Variants in NLGN1 observed in about 807,000 individuals in gnomAD.
NLGN1 encodes the protein neuroligin-1.
In NLGN1, 12 loss-of-function variants were observed where a neutral mutation model predicts 65.5. The observed-to-expected ratio is 0.18, with a 90% CI of 0.12 to 0.30. NLGN1 has a LOEUF of 0.30. NLGN1 is among the 10% of genes least tolerant of loss of function. The pLI is 1.00. For missense variants in NLGN1, 750 were observed against 1,007.1 expected (o/e 0.74, Z 3.46); for synonymous variants, 350 against 359.5 (o/e 0.97, Z 0.30).
intron 4 of NLGN1, among the ~76,000 whole-genome samples, chr3:174,078,905 T>C (rs1741555108): frequency 6.6e-6 from 1 of 152,198 alleles, no homozygotes; most frequent in African/African-American, 2.4e-5. Flanking sequence ...TCAACAAATC[T>C]AAAGAATGAT....
At chr3:174,256,363 A>G (rs1469660623) in intron 4 of NLGN1, among the ~76,000 whole-genome samples, 1 of 152,172 alleles carries the variant, frequency 6.6e-6, no homozygotes, top group Non-Finnish European at 1.5e-5. Context: ...CAATATTTGA[A>G]ATGTTCAAAG....
chr3:174,212,972 C>A (rs902708592), intron 4 of NLGN1, among the ~76,000 whole-genome samples: 4 of 152,100 alleles, frequency 2.6e-5, no homozygotes, highest in African/African-American at 9.7e-5. Flanking sequence ...ACTTAAAGGC[C>A]CCTGTGATTA....
chr3:174,212,550 T>A (rs1298516095), intron 4 of NLGN1, among the ~76,000 whole-genome samples: 1 of 152,244 alleles, frequency 6.6e-6, no homozygotes, highest in Non-Finnish European at 1.5e-5. Context: ...GGCTGTATCA[T>A]TTAGGTTTGT....
intron 4 of NLGN1, among the ~76,000 whole-genome samples, chr3:174,184,686 T>C (rs1333045992): frequency 6.6e-6 from 1 of 152,162 alleles, no homozygotes; most frequent in Non-Finnish European, 1.5e-5. Context: ...GAAGTTGGTC[T>C]CCTTTCCTGG....
chr3:173,969,090 C>T (rs2861616), intron 4 of NLGN1, among the ~76,000 whole-genome samples: 2,321 of 151,870 alleles, frequency 0.015, 65 homozygotes, highest in African/African-American at 0.052. Flanking sequence ...TTACTGTTAA[C>T]TTGTTGATTA....
At chr3:173,884,994 A>G (rs55989439) in intron 4 of NLGN1, among the ~76,000 whole-genome samples, 37 of 152,274 alleles carry the variant, frequency 2.4e-4, no homozygotes, top group Non-Finnish European at 4.7e-4. Flanking sequence ...GATCTCATAC[A>G]TACAAGCCCA....
intron 3 of NLGN1, among the ~76,000 whole-genome samples, chr3:173,751,310 A>G (rs1776266969): frequency 6.6e-6 from 1 of 152,082 alleles, no homozygotes; most frequent in Admixed American, 6.6e-5. Context: ...GCCATGGAGG[A>G]TCATAGAAAC....
intron 3 of NLGN1, among the ~76,000 whole-genome samples, chr3:173,672,372 G>A (rs1053292939): frequency 5.9e-5 from 9 of 152,142 alleles, no homozygotes; most frequent in African/African-American, 2.2e-4. Flanking sequence ...CTATCAGGGT[G>A]AATAAAGACT....
intron 2 of NLGN1, among the ~76,000 whole-genome samples, chr3:173,591,004 A>G (rs1042466615): frequency 6.6e-6 from 1 of 152,158 alleles, no homozygotes; most frequent in Non-Finnish European, 1.5e-5. Context: ...ACTAAAAGTT[A>G]TTTCAAACAG....
chr3:173,953,799 C>T (rs1748676782), intron 4 of NLGN1, among the ~76,000 whole-genome samples: 1 of 152,136 alleles, frequency 6.6e-6, no homozygotes, highest in Non-Finnish European at 1.5e-5. Context: ...CCACCTTGGC[C>T]TCCCAGGTGC....
At position 174,135,005 on chromosome 3, in the gene NLGN1, C is replaced by A. The variant is rs533038159; in HGVS notation, c.647-140310C>A. On this transcript the variant is annotated intron_variant, in intron 4 of 6. Coordinates refer to ENST00000457714, the Ensembl canonical transcript of NLGN1. ...TAGGTACTTCTGACATAGAAAAAAA[C>A]CCCGCAATTTAGTGTTCTGCCAAAG... is the stretch of plus-strand genomic sequence containing the variant. Among the ~76,000 whole-genome samples the A allele has an allele frequency of 9.4e-4, 143 of 152,216 alleles. 1 individual carries two copies. Among genetic ancestry groups the A allele is most frequent in the Non-Finnish European group, 1.3e-3 (85 of 67,990 alleles).
intron 4 of NLGN1, among the ~76,000 whole-genome samples, chr3:173,877,835 A>G (rs2150906410): frequency 6.6e-6 from 1 of 152,322 alleles, no homozygotes; most frequent in South Asian, 2.1e-4. Flanking sequence ...TAATTTCTGC[A>G]ATAGTAGCTG....
intron 2 of NLGN1, among the ~76,000 whole-genome samples, chr3:173,532,351 C>A (rs1404516226): frequency 6.6e-6 from 1 of 152,134 alleles, no homozygotes; most frequent in Non-Finnish European, 1.5e-5. Flanking sequence ...ATAGCTATTT[C>A]CAGGATTGGA....
At chr3:174,199,109 A>G (rs1733983564) in intron 4 of NLGN1, among the ~76,000 whole-genome samples, 1 of 151,990 alleles carries the variant, frequency 6.6e-6, no homozygotes, top group South Asian at 2.1e-4. Context: ...GGCCTCCCAA[A>G]GTGCTGGAAT....
chr3:173,666,572 A>G (rs1288078679), intron 3 of NLGN1, among the ~76,000 whole-genome samples: 4 of 152,170 alleles, frequency 2.6e-5, no homozygotes, highest in Admixed American at 2.0e-4. Flanking sequence ...ATGTCTCCTT[A>G]TAGAAATCTG....
intron 4 of NLGN1, among the ~76,000 whole-genome samples, chr3:173,980,471 G>A (rs1324243769): frequency 1.3e-5 from 2 of 151,754 alleles, no homozygotes; most frequent in African/African-American, 2.4e-5. Flanking sequence ...AATATACATG[G>A]CCATTCCCCT....
At chr3:173,445,340 G>T (rs1240916360) in intron 2 of NLGN1, among the ~76,000 whole-genome samples, 1 of 150,838 alleles carries the variant, frequency 6.6e-6, no homozygotes, top group East Asian at 1.9e-4. Context: ...GTCAGTTGGT[G>T]TCTTTTGTTT....
chr3:174,280,674 A>G lies in NLGN1; in HGVS notation c.1843A>G (p.Asn615Asp). ...GTTGGAGTTGGTACCTCATCTGCAT[A>G]ATCTCAATGACATTTCTCAGTATAC... Residue 615 changes from asparagine (N) to aspartate (D), a missense_variant, in exon 7 of 7, where the codon AAT becomes GAT. By Grantham distance (23) the Asn-to-Asp change is conservative. Transcript: ENST00000457714. This position sits in a 1 kb window ranked among gnomAD's most constrained non-coding sequence, Gnocchi z 4.9. The G allele has an allele frequency of 6.2e-7, 1 of 1,613,358 alleles. No individual in the cohort carries two copies.
At chr3:173,481,207 G>T (rs1451791437) in intron 2 of NLGN1, among the ~76,000 whole-genome samples, 1 of 151,790 alleles carries the variant, frequency 6.6e-6, no homozygotes, top group African/African-American at 2.4e-5. Context: ...CAGGGTTAAA[G>T]GTTTTTGTCA....
Sources: gnomAD v4.1 joint callset for allele counts (sites outside exome capture counted in the v4.1 genomes callset) on GRCh38, gnomAD v4.1.1 for gene constraint, Gnocchi (gnomAD v3.1) non-coding constraint, MANE v1.5 for transcripts, NCBI Gene and HGNC (gene_info 2026-07-23, HGNC 2026-07-21) for gene names.